PTPRT: variants seen among roughly 807,000 people sequenced by gnomAD.
PTPRT encodes the protein protein tyrosine phosphatase receptor type T.
A neutral mutation model predicts 176.8 loss-of-function variants in PTPRT; 56 were observed. The observed-to-expected ratio is 0.32, with a 90% CI of 0.26 to 0.40. The LOEUF (loss-of-function observed/expected upper bound fraction) is 0.40, where lower values mean the gene tolerates loss of function less well. Ranked by LOEUF, PTPRT falls within the 10% of genes least tolerant of loss-of-function variation. PTPRT has a pLI of 1.00. For synonymous variants in PTPRT, 783 were observed against 739.0 expected, an observed-to-expected ratio of 1.06 and a Z score of -0.96; for missense variants, 1,540 against 1,908.2, an observed-to-expected ratio of 0.81 and a Z score of 3.60.
chr20:42,188,775 A>C (rs1289606869), intron 16 of PTPRT, among the ~76,000 whole-genome samples: 1 of 152,144 alleles, frequency 6.6e-6, no homozygotes, highest in Non-Finnish European at 1.5e-5. Context: ...TGTAGAGAAC[A>C]ATTCTATTTT....
intron 6 of PTPRT, among the ~76,000 whole-genome samples, chr20:42,720,841 A>T (rs1406411035): frequency 1.3e-5 from 2 of 152,150 alleles, no homozygotes; most frequent in African/African-American, 2.4e-5. Context: ...TTTTGAATAT[A>T]ACTGTCTCTC....
At chr20:43,019,231 G>C (rs956657279) in intron 1 of PTPRT, among the ~76,000 whole-genome samples, 5 of 152,094 alleles carry the variant, frequency 3.3e-5, no homozygotes, top group African/African-American at 9.7e-5. Context: ...TCAGATCGCT[G>C]GTAAAACATT....
intron 1 of PTPRT, among the ~76,000 whole-genome samples, chr20:43,180,686 C>A (rs984498631): frequency 6.6e-6 from 1 of 152,104 alleles, no homozygotes; most frequent in African/African-American, 2.4e-5. Context: ...TGGTCTCGAA[C>A]TACTAACCTC....
At position 42,391,879 on chromosome 20, in the gene PTPRT, G is replaced by A. The variant is rs1426764040; in HGVS notation, c.1561-39594C>T. On this transcript the variant is annotated intron_variant, in intron 9 of 30. Coordinates refer to ENST00000373187, the MANE Select transcript of PTPRT (RefSeq NM_007050.6). ...GCCGAGCATAAGCAAGTTAATCATT[G>A]ATGATACTGTCTAGGTTCTCCCCAA... is the stretch of plus-strand genomic sequence containing the variant. Among the ~76,000 whole-genome samples, 7 of 152,254 alleles carry A rather than the reference G, an allele frequency of 4.6e-5. No homozygotes were observed. In the East Asian group the frequency reaches 1.4e-3, roughly 29 times the overall value.
At chr20:42,109,359 A>T (rs1462307305) in intron 23 of PTPRT, among the ~76,000 whole-genome samples, 2 of 152,172 alleles carry the variant, frequency 1.3e-5, no homozygotes, top group African/African-American at 2.4e-5. Context: ...GCCAGCCTTC[A>T]GGTCAGGAAG....
rs574014923 is a variant in PTPRT at position 42,351,105 on chromosome 20, C to T, written c.1763-375G>A. Among the ~76,000 whole-genome samples, 9 of 130,640 alleles carry T rather than the reference C, an allele frequency of 6.9e-5. No homozygotes were observed. In the East Asian group the frequency reaches 2.8e-3, roughly 40 times the overall value. 85.7% of individuals were successfully genotyped at this position (130,640 alleles called of 152,430 possible). A position where few individuals can be genotyped will look rare whatever the true frequency, so the allele number is the denominator to read the frequency against. On this transcript the variant is annotated intron_variant, in intron 10 of 30. Transcript: ENST00000373187. ...AATTACATCAATTATGAACTACTTC[C>T]CCTCTACCTTTTTTTTTTTTCCTTC...
chr20:43,022,697 G>A (rs1225994819), intron 1 of PTPRT, among the ~76,000 whole-genome samples: 15 of 152,148 alleles, frequency 9.9e-5, no homozygotes, highest in Admixed American at 8.5e-4. Context: ...ATCAGGAGGC[G>A]GAGTGAAAGC....
chr20:42,115,691 G>C (rs1436934301), intron 21 of PTPRT, among the ~76,000 whole-genome samples: 1 of 152,244 alleles, frequency 6.6e-6, no homozygotes, highest in East Asian at 1.9e-4. Context: ...CTTGTCCAAG[G>C]CCATGTGGCC....
chr20:43,064,895 A>C (rs1362474020), intron 1 of PTPRT, among the ~76,000 whole-genome samples: 2 of 152,242 alleles, frequency 1.3e-5, no homozygotes, highest in Non-Finnish European at 2.9e-5. Flanking sequence ...GCTTATTTCT[A>C]GACTTAGTCA....
chr20:43,034,531 T>C (rs1320641027), intron 1 of PTPRT, among the ~76,000 whole-genome samples: 1 of 141,900 alleles, frequency 7.0e-6, no homozygotes, highest in Non-Finnish European at 1.5e-5. Flanking sequence ...TGAGAGATGA[T>C]GTCTTCACTA....
At chr20:42,435,584 G>A (rs1450385928) in intron 9 of PTPRT, among the ~76,000 whole-genome samples, 1 of 152,154 alleles carries the variant, frequency 6.6e-6, no homozygotes, top group Non-Finnish European at 1.5e-5. Context: ...TCAGACCTAA[G>A]GTAGCAGTTT....
chr20:42,951,668 C>T lies in PTPRT; in HGVS notation c.89-65736G>A, dbSNP rs142114323. On this transcript the variant is annotated intron_variant, in intron 1 of 30. Transcript: ENST00000373187. The stretch of plus-strand genomic sequence containing the variant: ...GGGTGCAGGGAGAGGAGTGCAACAT[C>T]TATTACCATGATCCAGGTGAGAGCT... 6.3e-3 allele frequency among the ~76,000 whole-genome samples: 964 copies of T among 152,196 alleles called. 4 individuals carry two copies. Among genetic ancestry groups the T allele is most frequent in the Middle Eastern group, 0.014 (4 of 292 alleles).
At chr20:43,098,665 A>G (rs2012268547) in intron 1 of PTPRT, among the ~76,000 whole-genome samples, 1 of 151,858 alleles carries the variant, frequency 6.6e-6, no homozygotes, top group Non-Finnish European at 1.5e-5. Context: ...TCGATGCAAT[A>G]CTGTTGGAAA....
At chr20:42,541,175 T>G (rs1040721843) in intron 7 of PTPRT, among the ~76,000 whole-genome samples, 1 of 152,078 alleles carries the variant, frequency 6.6e-6, no homozygotes, top group Admixed American at 6.6e-5. Context: ...ACCCCATAGG[T>G]TAATTCCAAT....
At chr20:42,173,138 T>C (rs1990147771) in intron 16 of PTPRT, among the ~76,000 whole-genome samples, 2 of 152,182 alleles carry the variant, frequency 1.3e-5, no homozygotes, top group Non-Finnish European at 1.5e-5. Flanking sequence ...GGTTATTATT[T>C]TCATTTTGAG....
chr20:42,352,941 T>TA (rs981388504), intron 9 of PTPRT, among the ~76,000 whole-genome samples: 12 of 148,312 alleles, frequency 8.1e-5, no homozygotes, highest in South Asian at 4.3e-4. Flanking sequence ...TGAAAAGAAG[T>TA]AAAAAAAAAA....
At position 43,049,740 on chromosome 20, in the gene PTPRT, G is replaced by A. The variant is rs566422637; in HGVS notation, c.88+139906C>T. 2.0e-5 allele frequency among the ~76,000 whole-genome samples: 3 copies of A among 152,268 alleles called. No homozygotes were observed. In the South Asian group the frequency reaches 6.2e-4, roughly 32 times the overall value. On this transcript the variant is annotated intron_variant, in intron 1 of 30. Transcript: ENST00000373187. ...AAATAAGCTTTCCTGGGGGCAACTGGCATCCTCTTTCAGCTCTAAATATGC... is the reference window on the plus strand; with the variant it reads ...AAATAAGCTTTCCTGGGGGCAACTGACATCCTCTTTCAGCTCTAAATATGC...
intron 1 of PTPRT, among the ~76,000 whole-genome samples, chr20:42,919,442 G>C (rs956760426): frequency 2.0e-5 from 3 of 152,196 alleles, no homozygotes; most frequent in Non-Finnish European, 4.4e-5. Context: ...TGAGAGTGAT[G>C]GCTGGTCTGT....
At position 42,874,484 on chromosome 20, in the gene PTPRT, T is replaced by G. The variant is rs183264370; in HGVS notation, c.214+11323A>C. ...CAACTTTAATAAATACAATTTTAAG[T>G]GTACAGATGATTGAATTAGGCAAAA... On this transcript the variant is annotated intron_variant, in intron 2 of 30. Transcript: ENST00000373187. Among the ~76,000 whole-genome samples, 265 of 152,314 alleles carry G rather than the reference T, an allele frequency of 1.7e-3. 1 individual carries two copies. Among genetic ancestry groups the G allele is most frequent in the Admixed American group, 3.6e-3 (55 of 15,298 alleles).
Sources: gnomAD v4.1 joint callset for allele counts (sites outside exome capture counted in the v4.1 genomes callset) on GRCh38, gnomAD v4.1.1 for gene constraint, MANE v1.5 for transcripts, NCBI Gene and HGNC (gene_info 2026-07-23, HGNC 2026-07-21) for gene names.